Variants in TMEM132D observed in about 807,000 individuals in gnomAD.
TMEM132D encodes mature OL transmembrane protein.
A neutral mutation model predicts 62.3 loss-of-function variants in TMEM132D; 21 were observed. The ratio of observed to expected loss-of-function variants is 0.34; its 90% CI spans 0.24 to 0.49. TMEM132D has a LOEUF of 0.49. Ranked by LOEUF, TMEM132D falls within the 20% of genes least tolerant of loss-of-function variation. The pLI is 0.99. For missense variants in TMEM132D, 1,346 were observed against 1,402.8 expected, an observed-to-expected ratio of 0.96 and a Z score of 0.65; for synonymous variants, 621 against 575.6, an observed-to-expected ratio of 1.08 and a Z score of -1.13.
intron 5 of TMEM132D, among the ~76,000 whole-genome samples, chr12:129,095,340 CT>C (rs1167541749): frequency 7.2e-6 from 1 of 139,244 alleles, no homozygotes; most frequent in Non-Finnish European, 1.5e-5. Flanking sequence ...CACAATATGC[CT>C]GCTGGTTTTT....
intron 4 of TMEM132D, chr12:129,212,793 T>A (rs1879091953): frequency 6.6e-6 from 1 of 151,990 alleles, no homozygotes; most frequent in African/African-American, 2.4e-5. Flanking sequence ...CACTCCAGAG[T>A]CAAGGAGGAG....
chr12:129,521,070 T>C (rs1167453064), intron 3 of TMEM132D, among the ~76,000 whole-genome samples: 3 of 152,218 alleles, frequency 2.0e-5, no homozygotes, highest in Admixed American at 6.5e-5. Context: ...ACAGTCCCAG[T>C]TGATGTCTCT....
chr12:129,799,427 GTGTATATA>G (rs1871682110), intron 1 of TMEM132D, among the ~76,000 whole-genome samples: 1 of 2,102 alleles, frequency 4.8e-4, no homozygotes, highest in African/African-American at 1.9e-3. Context: ...GTGTATATAT[GTGTATATA>G]TGTATATATA....
At chr12:129,536,475 C>T (rs1296539512) in intron 2 of TMEM132D, among the ~76,000 whole-genome samples, 1 of 152,160 alleles carries the variant, frequency 6.6e-6, no homozygotes, top group East Asian at 1.9e-4. Flanking sequence ...TTCTAATTTC[C>T]AGTTGACCAG....
intron 1 of TMEM132D, among the ~76,000 whole-genome samples, chr12:129,759,453 G>C (rs950013762): frequency 1.3e-5 from 2 of 152,128 alleles, no homozygotes. Flanking sequence ...CCTTACTCCC[G>C]TGGCACTACA....
chr12:129,355,945 C>T (rs1347008422), intron 3 of TMEM132D, among the ~76,000 whole-genome samples: 2 of 152,156 alleles, frequency 1.3e-5, no homozygotes, highest in Admixed American at 6.5e-5. Context: ...AGCAGGATCG[C>T]TTGCCCTCCA....
chr12:129,801,058 G>C (rs1871760847), intron 1 of TMEM132D, among the ~76,000 whole-genome samples: 1 of 152,210 alleles, frequency 6.6e-6, no homozygotes, highest in Non-Finnish European at 1.5e-5. Context: ...CTGGCTCGGA[G>C]GGTCCTGGCC....
Position 129,827,319 on chromosome 12 carries a change from G to C in TMEM132D, c.79+75942C>G, listed in dbSNP as rs959648961. Reference sequence around the variant, plus strand: ...TGCCCAACAGCACCCAGTTAACAAAGGGTCCTCTCCAGTTTCTAAGCCCCA... The same window carrying C: ...TGCCCAACAGCACCCAGTTAACAAACGGTCCTCTCCAGTTTCTAAGCCCCA... On this transcript the variant is annotated intron_variant, in intron 1 of 8. Transcript: ENST00000422113. The surrounding 1 kb of genome is among the most constrained non-coding windows in gnomAD (Gnocchi z 9.7). Among the ~76,000 whole-genome samples, 1 of 152,068 alleles carries C rather than the reference G, an allele frequency of 6.6e-6. No individual in the cohort carries two copies. The highest frequency in any genetic ancestry group is 2.4e-5 in the African/African-American group (1 of 41,392).
At chr12:129,159,310 T>C (rs1877331332) in intron 5 of TMEM132D, among the ~76,000 whole-genome samples, 1 of 152,144 alleles carries the variant, frequency 6.6e-6, no homozygotes, top group African/African-American at 2.4e-5. Context: ...TTCATGTTGA[T>C]GAGCTGTGAA....
At chr12:129,124,503 AT>A (rs1173600466) in intron 5 of TMEM132D, among the ~76,000 whole-genome samples, 2 of 152,252 alleles carry the variant, frequency 1.3e-5, no homozygotes, top group Non-Finnish European at 2.9e-5. Context: ...GTTAACCATT[AT>A]TTTGGTTCCT....
intron 3 of TMEM132D, among the ~76,000 whole-genome samples, chr12:129,412,918 A>G (rs969767855): frequency 1.3e-5 from 2 of 152,198 alleles, no homozygotes; most frequent in Non-Finnish European, 2.9e-5. Context: ...ATGGAAAGGC[A>G]GAGCCAACCT....
intron 2 of TMEM132D, among the ~76,000 whole-genome samples, chr12:129,638,911 C>T (rs1283165198): frequency 6.6e-6 from 1 of 152,048 alleles, no homozygotes; most frequent in African/African-American, 2.4e-5. Flanking sequence ...TAAGTACAGA[C>T]TAACACAGCA....
intron 3 of TMEM132D, among the ~76,000 whole-genome samples, chr12:129,385,092 T>A (rs1313244027): frequency 7.3e-6 from 1 of 137,580 alleles, no homozygotes; most frequent in Non-Finnish European, 1.6e-5. Context: ...GTTCTTTTTT[T>A]TTTTTTTTTT....
Position 129,201,123 on chromosome 12 carries a change from AT to A in TMEM132D, c.1443+8396del, listed in dbSNP as rs1878693856. Among the ~76,000 whole-genome samples, 5 of 152,306 alleles carry A rather than the reference AT, an allele frequency of 3.3e-5. 1 individual carries two copies. The South Asian group carries it at 1.0e-3, about 32-fold the overall frequency. ...TCAGGTAGGGCTACAGCCCCCTTTGATTTTTATCAGTGGACATTTCTGAAAT... is the reference window on the plus strand; with the variant it reads ...TCAGGTAGGGCTACAGCCCCCTTTGATTTTATCAGTGGACATTTCTGAAAT... On this transcript the variant is annotated intron_variant, in intron 5 of 8. Coordinates refer to ENST00000422113, the MANE Select transcript of TMEM132D (RefSeq NM_133448.3).
chr12:129,644,822 CAA>C (rs56371039), intron 2 of TMEM132D, among the ~76,000 whole-genome samples: 13 of 126,896 alleles, frequency 1.0e-4, no homozygotes, highest in Admixed American at 2.4e-4. Context: ...ACTAAAAATA[CAA>C]AAAAAAAAAA....
chr12:129,586,337 T>G (rs936943721), intron 2 of TMEM132D, among the ~76,000 whole-genome samples: 4 of 152,120 alleles, frequency 2.6e-5, no homozygotes, highest in African/African-American at 7.2e-5. Flanking sequence ...AGAATAACAT[T>G]AAGATGAAAC....
intron 3 of TMEM132D, among the ~76,000 whole-genome samples, chr12:129,519,969 TA>T (rs2137080306): frequency 6.6e-6 from 1 of 152,310 alleles, no homozygotes; most frequent in South Asian, 2.1e-4. Flanking sequence ...ATTTCCCATA[TA>T]AAATACATTT....
chr12:129,426,582 C>A (rs1872504091), intron 3 of TMEM132D, among the ~76,000 whole-genome samples: 1 of 152,190 alleles, frequency 6.6e-6, no homozygotes, highest in Non-Finnish European at 1.5e-5. Flanking sequence ...AGGCTGAGCA[C>A]ACTCCCTCTC....
At chr12:129,157,326 C>T (rs1208512448) in intron 5 of TMEM132D, among the ~76,000 whole-genome samples, 1 of 152,244 alleles carries the variant, frequency 6.6e-6, no homozygotes, top group African/African-American at 2.4e-5. Flanking sequence ...AAGTCTCCGA[C>T]TCATAAACTC....
Sources: gnomAD v4.1 joint callset for allele counts (sites outside exome capture counted in the v4.1 genomes callset) on GRCh38, gnomAD v4.1.1 for gene constraint, Gnocchi (gnomAD v3.1) non-coding constraint, MANE v1.5 for transcripts, NCBI Gene and HGNC (gene_info 2026-07-23, HGNC 2026-07-21) for gene names.